Variants in TMEM74 observed in about 807,000 individuals in gnomAD.
TMEM74 encodes transmembrane protein 74.
In TMEM74, 13 loss-of-function variants were observed where a neutral mutation model predicts 18.1. The ratio of observed to expected loss-of-function variants is 0.72; its 90% confidence interval spans 0.47 to 1.14. The LOEUF (loss-of-function observed/expected upper bound fraction) is 1.14. Among genes scored for constraint, TMEM74 ranks in the 50% most tolerant of loss-of-function variants. TMEM74 has a pLI of 0.00. For missense variants in TMEM74, 372 were observed against 375.9 expected (o/e 0.99, Z 0.09); for synonymous variants, 159 against 146.6 (o/e 1.08, Z -0.61).
At chr8:108,652,959 A>G (rs1380087289) in intron 2 of TMEM74, 4 of 282,484 alleles carry the variant, frequency 1.4e-5, no homozygotes, top group African/African-American at 2.3e-5. Flanking sequence ...GACATAAAAG[A>G]AGACTTCTTT....
intron 2 of TMEM74, among the ~76,000 whole-genome samples, chr8:108,643,783 C>A (rs954261873): frequency 2.6e-5 from 4 of 151,382 alleles, no homozygotes; most frequent in Admixed American, 6.6e-5. Context: ...CCTAGGAATA[C>A]CTTTAACCAA....
chr8:108,685,924 G>A (rs1247963788), intron 1 of TMEM74, among the ~76,000 whole-genome samples: 1 of 151,928 alleles, frequency 6.6e-6, no homozygotes, highest in Non-Finnish European at 1.5e-5. Flanking sequence ...AATGTGTAAG[G>A]TTTTTATAGG....
chr8:108,687,466 G>C (rs939309646), intron 1 of TMEM74, among the ~76,000 whole-genome samples: 1 of 151,970 alleles, frequency 6.6e-6, no homozygotes, highest in East Asian at 1.9e-4. Context: ...ATTTTGTCAC[G>C]GACAGGGTCG....
chr8:108,686,067 A>T (rs938358466), intron 1 of TMEM74, among the ~76,000 whole-genome samples: 1 of 152,212 alleles, frequency 6.6e-6, no homozygotes, highest in African/African-American at 2.4e-5. Context: ...TTAAAATCCC[A>T]GTATTTTTTA....
chr8:108,646,209 T>C (rs1431219092), intron 2 of TMEM74, among the ~76,000 whole-genome samples: 1 of 151,900 alleles, frequency 6.6e-6, no homozygotes, highest in Non-Finnish European at 1.5e-5. Context: ...CCATGCTAAA[T>C]ATACACTTTA....
intron 2 of TMEM74, among the ~76,000 whole-genome samples, chr8:108,647,747 C>T (rs1011040128): frequency 2.0e-5 from 3 of 151,598 alleles, no homozygotes; most frequent in African/African-American, 7.3e-5. Context: ...CATTTTTTTG[C>T]CCAAAAGAAG....
intron 1 of TMEM74, among the ~76,000 whole-genome samples, chr8:108,723,656 C>T (rs564671751): frequency 1.3e-5 from 2 of 152,094 alleles, no homozygotes; most frequent in East Asian, 3.9e-4. Flanking sequence ...TCTGAATAGC[C>T]TACAGAAGCC....
intron 2 of TMEM74, among the ~76,000 whole-genome samples, chr8:108,623,815 T>G (rs182616573): frequency 1.3e-5 from 2 of 152,138 alleles, no homozygotes; most frequent in East Asian, 1.9e-4. Context: ...TGGAGACATT[T>G]TTGATTTTTA....
chr8:108,719,001 T>G (rs1813558386), intron 1 of TMEM74, among the ~76,000 whole-genome samples: 1 of 151,722 alleles, frequency 6.6e-6, no homozygotes, highest in South Asian at 2.1e-4. Flanking sequence ...TACGTATATA[T>G]ACACATATAT....
intron 1 of TMEM74, among the ~76,000 whole-genome samples, chr8:108,701,926 T>TA (rs774316212): frequency 3.9e-5 from 6 of 152,138 alleles, no homozygotes; most frequent in South Asian, 2.1e-4. Flanking sequence ...TATGGAGTGG[T>TA]AAAAAAATCC....
chr8:108,631,281 G>A (rs1270780948), intron 2 of TMEM74, among the ~76,000 whole-genome samples: 2 of 151,948 alleles, frequency 1.3e-5, no homozygotes, highest in Non-Finnish European at 2.9e-5. Flanking sequence ...GAGGTCATGG[G>A]TGCTGCAGGT....
intron 2 of TMEM74, among the ~76,000 whole-genome samples, chr8:108,651,889 G>A (rs1378142908): frequency 2.6e-5 from 4 of 151,544 alleles, no homozygotes; most frequent in Non-Finnish European, 4.4e-5. Flanking sequence ...TGGAGAGTAC[G>A]TTGAGATTAC....
chr8:108,657,881 T>TATATATATATATATATATATATTAATTAC (rs1563742321), intron 1 of TMEM74, among the ~76,000 whole-genome samples: 3 of 98,480 alleles, frequency 3.0e-5, no homozygotes, highest in African/African-American at 4.1e-5. Flanking sequence ...TATATATATA[T>TATATATATATATATATATATATTAATTAC]ATATATATAT....
chr8:108,644,075 G>A (rs1812692449), intron 2 of TMEM74, among the ~76,000 whole-genome samples: 1 of 152,132 alleles, frequency 6.6e-6, no homozygotes, highest in Non-Finnish European at 1.5e-5. Flanking sequence ...CAAAGCTGAA[G>A]GCATCACATT....
At chr8:108,755,632 T>A (rs1431823745) in intron 1 of TMEM74, among the ~76,000 whole-genome samples, 2 of 152,262 alleles carry the variant, frequency 1.3e-5, no homozygotes, top group Non-Finnish European at 2.9e-5. Context: ...ATCTCACCTT[T>A]ACATTTTATA....
At chr8:108,613,906 G>C (rs1040233373) in intron 2 of TMEM74, among the ~76,000 whole-genome samples, 5 of 151,972 alleles carry the variant, frequency 3.3e-5, no homozygotes, top group Non-Finnish European at 7.4e-5. Flanking sequence ...CTTAGTCTCA[G>C]TTTACTTCAT....
intron 2 of TMEM74, among the ~76,000 whole-genome samples, chr8:108,643,816 G>A (rs1812690110): frequency 6.6e-6 from 1 of 151,304 alleles, no homozygotes; most frequent in Non-Finnish European, 1.5e-5. Context: ...TCTCTACAAG[G>A]AGAACTATAA....
At chr8:108,702,614 T>A (rs954177962) in intron 1 of TMEM74, among the ~76,000 whole-genome samples, 3 of 152,088 alleles carry the variant, frequency 2.0e-5, no homozygotes, top group African/African-American at 7.2e-5. Context: ...AAATTTTTTT[T>A]ATTTTACTTT....
intron 1 of TMEM74, among the ~76,000 whole-genome samples, chr8:108,722,516 T>A (rs1563535396): frequency 6.6e-6 from 1 of 152,172 alleles, no homozygotes; most frequent in Non-Finnish European, 1.5e-5. Context: ...GGGATTTCGG[T>A]TTAAATTTCA....
Sources: gnomAD v4.1 joint callset for allele counts (sites outside exome capture counted in the v4.1 genomes callset) on GRCh38, gnomAD v4.1.1 for gene constraint, MANE v1.5 for transcripts, NCBI Gene and HGNC (gene_info 2026-07-23, HGNC 2026-07-21) for gene names.